Variants in CPQ observed in about 807,000 individuals in gnomAD.
The protein encoded by CPQ is carboxypeptidase Q.
Under a neutral mutation model 45.7 loss-of-function variants are expected in CPQ, and 37 were observed. The ratio of observed to expected loss-of-function variants is 0.81; its 90% confidence interval spans 0.62 to 1.07. The LOEUF is 1.07. Among genes scored for constraint, CPQ ranks in the 50% least tolerant of loss-of-function variants. CPQ has a pLI of 0.00. For synonymous variants in CPQ, 186 were observed against 205.8 expected, an observed-to-expected ratio of 0.90 and a Z score of 0.82; for missense variants, 537 against 572.9, an observed-to-expected ratio of 0.94 and a Z score of 0.64.
chr8:97,063,464 G>A (rs1041184505), intron 6 of CPQ, among the ~76,000 whole-genome samples: 3 of 152,128 alleles, frequency 2.0e-5, no homozygotes, highest in African/African-American at 7.2e-5. Flanking sequence ...TTGCTGTACA[G>A]AAACTCTTAA....
intron 2 of CPQ, 127 bp downstream of exon 2, chr8:96,785,457 C>T (rs894589706): frequency 1.5e-5 from 12 of 783,470 alleles, no homozygotes; most frequent in Non-Finnish European, 2.3e-5. Flanking sequence ...TTAATGAGTT[C>T]TCTACCCTTT....
chr8:97,049,957 C>T (rs1005323467), intron 6 of CPQ, among the ~76,000 whole-genome samples: 1 of 152,156 alleles, frequency 6.6e-6, no homozygotes, highest in African/African-American at 2.4e-5. Flanking sequence ...CGTTTTTCCT[C>T]TGTACTTTCA....
chr8:97,095,179 A>G (rs545585766), intron 7 of CPQ, among the ~76,000 whole-genome samples: 2 of 152,306 alleles, frequency 1.3e-5, no homozygotes, highest in South Asian at 2.1e-4. Context: ...TCAAATCTAT[A>G]TCTACAGATT....
intron 2 of CPQ, among the ~76,000 whole-genome samples, chr8:96,811,634 A>G (rs1175527675): frequency 6.6e-6 from 1 of 152,210 alleles, no homozygotes; most frequent in Non-Finnish European, 1.5e-5. Flanking sequence ...ACTCTATGTT[A>G]TAATCATTTT....
chr8:96,834,348 G>A (rs189898937), intron 2 of CPQ, among the ~76,000 whole-genome samples: 34 of 152,276 alleles, frequency 2.2e-4, no homozygotes, highest in Middle Eastern at 3.4e-3. Flanking sequence ...AACAAGTACC[G>A]TAAATGGGAA....
At chr8:96,676,715 T>C (rs1323177872) in intron 1 of CPQ, among the ~76,000 whole-genome samples, 1 of 152,060 alleles carries the variant, frequency 6.6e-6, no homozygotes. Flanking sequence ...GTGCAGTTGG[T>C]GTTTGGCTAC....
intron 3 of CPQ, among the ~76,000 whole-genome samples, chr8:96,860,726 T>C (rs1484479458): frequency 6.6e-6 from 1 of 152,132 alleles, no homozygotes; most frequent in Non-Finnish European, 1.5e-5. Context: ...AGCTCCTGGC[T>C]CAATAGGGAG....
At chr8:96,995,798 G>A (rs1272330926) in intron 5 of CPQ, among the ~76,000 whole-genome samples, 1 of 151,920 alleles carries the variant, frequency 6.6e-6, no homozygotes, top group East Asian at 1.9e-4. Flanking sequence ...GTACCCATTA[G>A]TTGTATTTCT....
At chr8:96,879,314 T>C (rs144323877) in intron 3 of CPQ, among the ~76,000 whole-genome samples, 1 of 152,226 alleles carries the variant, frequency 6.6e-6, no homozygotes, top group Non-Finnish European at 1.5e-5. Flanking sequence ...CTACCACCAA[T>C]GTGGAGTTAT....
chr8:97,029,399 C>G lies in CPQ; in HGVS notation c.962-4C>G, dbSNP rs756026931. 2 of 1,595,160 alleles carry G rather than the reference C, an allele frequency of 1.3e-6. No individual in the cohort carries two copies. The highest frequency in any genetic ancestry group is 1.7e-6 in the Non-Finnish European group (2 of 1,169,294). On this transcript the variant is annotated splice_region_variant and splice_polypyrimidine_tract_variant and intron_variant, in intron 5 of 7. Transcript: ENST00000220763. ...ATCACTTTTTTATTTTATTATTTTC[C>G]CAGGGCTGCGTCCAAAGAGGACTCT...
chr8:97,100,134 A>C (rs148287900), intron 7 of CPQ, among the ~76,000 whole-genome samples: 1 of 152,368 alleles, frequency 6.6e-6, no homozygotes, highest in East Asian at 1.9e-4. Context: ...CAACTGGAAC[A>C]TAAGTTCCAC....
chr8:96,775,288 C>T (rs1810591435), intron 1 of CPQ, among the ~76,000 whole-genome samples: 1 of 152,226 alleles, frequency 6.6e-6, no homozygotes, highest in South Asian at 2.1e-4. Context: ...ACATCATAGA[C>T]AATCTGCTTG....
intron 3 of CPQ, among the ~76,000 whole-genome samples, chr8:96,873,762 G>T (rs1812110902): frequency 6.6e-6 from 1 of 151,694 alleles, no homozygotes; most frequent in Admixed American, 6.6e-5. Context: ...TGTGTTATAT[G>T]CCCCTGCACA....
At chr8:96,664,376 G>A (rs1434550012) in intron 1 of CPQ, among the ~76,000 whole-genome samples, 1 of 152,200 alleles carries the variant, frequency 6.6e-6, no homozygotes, top group African/African-American at 2.4e-5. Flanking sequence ...TCATTCTATT[G>A]TCTCTTCAGT....
chr8:96,767,859 G>T (rs140177922), intron 1 of CPQ, among the ~76,000 whole-genome samples: 1 of 151,838 alleles, frequency 6.6e-6, no homozygotes, highest in Non-Finnish European at 1.5e-5. Context: ...GGCCAGGCTG[G>T]TCTCGAACCC....
intron 2 of CPQ, among the ~76,000 whole-genome samples, chr8:96,831,664 C>T (rs1189441484): frequency 6.6e-6 from 1 of 152,108 alleles, no homozygotes; most frequent in Non-Finnish European, 1.5e-5. Flanking sequence ...TTTGTACACA[C>T]CCTGCCTTCC....
chr8:96,788,082 CT>C (rs999561596), intron 2 of CPQ, among the ~76,000 whole-genome samples: 27 of 135,294 alleles, frequency 2.0e-4, no homozygotes, highest in Admixed American at 4.4e-4. Flanking sequence ...TTCTTTCTTT[CT>C]TTTTTTTTTA....
intron 1 of CPQ, among the ~76,000 whole-genome samples, chr8:96,696,748 C>T (rs1335215260): frequency 1.3e-5 from 2 of 152,008 alleles, no homozygotes; most frequent in Admixed American, 6.5e-5. Flanking sequence ...AAATATGTGC[C>T]AATAAACTTG....
intron 4 of CPQ, among the ~76,000 whole-genome samples, chr8:96,898,793 A>AG (rs1812477370): frequency 7.0e-6 from 1 of 143,156 alleles, no homozygotes; most frequent in Non-Finnish European, 1.5e-5. Context: ...AAAAAAAAAA[A>AG]GTCAATAGTA....
Sources: allele counts gnomAD v4.1 joint callset (sites outside exome capture counted in the v4.1 genomes callset), GRCh38; gene constraint gnomAD v4.1.1; transcripts MANE v1.5; gene names NCBI Gene and HGNC (gene_info 2026-07-23, HGNC 2026-07-21).